IFT80: variants seen among roughly 807,000 people sequenced by gnomAD.
The protein encoded by IFT80 is intraflagellar transport 80.
In IFT80, 79 loss-of-function variants were observed where a neutral mutation model predicts 107.9. The ratio of observed to expected loss-of-function variants is 0.73; its 90% confidence interval spans 0.61 to 0.88. IFT80 has a LOEUF of 0.88. IFT80 is among the 40% of genes least tolerant of loss of function. The pLI is 0.00. For missense variants in IFT80, 797 were observed against 914.2 expected (o/e 0.87, Z 1.65); for synonymous variants, 299 against 300.9 (o/e 0.99, Z 0.07).
At chr3:160,314,867 A>C (rs550564221) in intron 9 of IFT80, among the ~76,000 whole-genome samples, 1 of 152,176 alleles carries the variant, frequency 6.6e-6, no homozygotes, top group East Asian at 1.9e-4. Context: ...GTGTAAAACC[A>C]AAGAAAATGA....
Position 160,277,593 on chromosome 3 carries a change from T to C in IFT80, c.1914A>G (p.Ala638=), listed in dbSNP as rs1378580029. ...RDMTTAEIAY[A]AIGEIDKVQY... ...ATTAATTACTTACTTCACCAATTGC[T>C]GCATAGGCTATTTCTGCAGTAGTCA... The change falls in exon 17 of 20, where the codon GCA becomes GCG. Residue 638 remains alanine, a synonymous_variant. Transcript: ENST00000326448. 1 of 1,612,846 alleles carries C rather than the reference T, an allele frequency of 6.2e-7. No individual in the cohort carries two copies.
chr3:160,271,522 CTACTACCAAAT>C (rs1271134798), intron 18 of IFT80, among the ~76,000 whole-genome samples: 1 of 152,122 alleles, frequency 6.6e-6, no homozygotes, highest in Non-Finnish European at 1.5e-5. Context: ...TGAGAACAGA[CTACTACCAAAT>C]GTCCAAAGTG....
At chr3:160,297,031 A>T (rs1158238460) in intron 12 of IFT80, among the ~76,000 whole-genome samples, 1 of 152,086 alleles carries the variant, frequency 6.6e-6, no homozygotes, top group East Asian at 1.9e-4. Context: ...AGCATCAATC[A>T]CTATTTAAAT....
At chr3:160,367,538 T>C (rs973672740) in intron 5 of IFT80, among the ~76,000 whole-genome samples, 1 of 152,082 alleles carries the variant, frequency 6.6e-6, no homozygotes, top group East Asian at 1.9e-4. Context: ...AATTTTTTTA[T>C]ATCAGATTAG....
At chr3:160,373,435 T>C (rs1559967047) in intron 5 of IFT80, 3 of 152,274 alleles carry the variant, frequency 2.0e-5, no homozygotes, top group Admixed American at 6.5e-5. Flanking sequence ...CTACTAGCAC[T>C]ATTATCACCT....
Position 160,258,644 on chromosome 3 carries a change from GA to G in IFT80, c.2224-10del, listed in dbSNP as rs58665245. 37,127 of 1,510,686 alleles carry G rather than the reference GA, an allele frequency of 0.025. 528 individuals are homozygous for G. The highest frequency in any genetic ancestry group is 0.069 in the African/African-American group (4,924 of 71,412). The allele number at this position is 1,510,686 out of a possible 1,614,324, so 93.6% of individuals were successfully genotyped here. ...TCCCAATCTATTTGGAGCTGCAATA[GA>G]AAAAAAAAAGAAGAAATATGCTTAG... On this transcript the variant is annotated splice_polypyrimidine_tract_variant and intron_variant, in intron 19 of 19. Coordinates refer to ENST00000326448, the MANE Select transcript of IFT80 (RefSeq NM_020800.3).
chr3:160,389,108 G>A (rs1470610931), intron 1 of IFT80, among the ~76,000 whole-genome samples: 1 of 152,096 alleles, frequency 6.6e-6, no homozygotes, highest in African/African-American at 2.4e-5. Flanking sequence ...ATTAATACAT[G>A]GGCCTTAATG....
chr3:160,277,318 T>C lies in IFT80; in HGVS notation c.2087A>G (p.Tyr696Cys). 5 of 1,612,532 alleles carry C rather than the reference T, an allele frequency of 3.1e-6. No individual in the cohort carries two copies. Among genetic ancestry groups the C allele is most frequent in the Non-Finnish European group, 4.2e-6 (5 of 1,179,690 alleles). Reference sequence around the variant, plus strand: ...GCATTCTTATTACCTTTCCCAGTTGTAGAGATTAATATTGATCTGGATTGC... The same window carrying C: ...GCATTCTTATTACCTTTCCCAGTTGCAGAGATTAATATTGATCTGGATTGC... ...YQAIQININL[Y>C]NWERALELAV... The change falls in exon 18 of 20, where the codon TAC (tyrosine) becomes TGC (cysteine). Residue 696 changes from tyrosine (Y) to cysteine (C), a missense_variant. Coordinates refer to ENST00000326448, the MANE Select transcript of IFT80 (RefSeq NM_020800.3).
chr3:160,290,168 A>G (rs1186142036), intron 12 of IFT80, among the ~76,000 whole-genome samples: 1 of 152,080 alleles, frequency 6.6e-6, no homozygotes, highest in Non-Finnish European at 1.5e-5. Context: ...GCATTTTGGG[A>G]GGCTGAGGTA....
chr3:160,391,797 C>T (rs1301764670), intron 1 of IFT80, among the ~76,000 whole-genome samples: 2 of 152,204 alleles, frequency 1.3e-5, no homozygotes, highest in African/African-American at 2.4e-5. Context: ...AGATTTCTGA[C>T]CTTGTGGAAA....
intron 19 of IFT80, among the ~76,000 whole-genome samples, chr3:160,264,832 C>T (rs1403132756): frequency 6.6e-6 from 1 of 152,036 alleles, no homozygotes; most frequent in African/African-American, 2.4e-5. Context: ...AAAGTCAATC[C>T]CTCCATTGCT....
intron 5 of IFT80, chr3:160,373,377 A>G (rs1433496570): frequency 6.6e-6 from 1 of 152,132 alleles, no homozygotes; most frequent in East Asian, 1.9e-4. Flanking sequence ...TAAAATAAGT[A>G]GCAATTTGGT....
At chr3:160,330,967 A>G (rs1174934285) in intron 8 of IFT80, among the ~76,000 whole-genome samples, 2 of 152,204 alleles carry the variant, frequency 1.3e-5, no homozygotes, top group Non-Finnish European at 2.9e-5. Flanking sequence ...TACTATCTAT[A>G]TAACACTATG....
rs1227647812 is a variant in IFT80 at position 160,319,752 on chromosome 3, A to G, written c.957+8T>C. On this transcript the variant is annotated splice_region_variant and intron_variant, in intron 9 of 19. Transcript: ENST00000326448. ...GCAGGTTTAATCAACCTTGGAACATAATAATACCTGCATGGCTCTTCTTTT... is the reference window on the plus strand; with the variant it reads ...GCAGGTTTAATCAACCTTGGAACATGATAATACCTGCATGGCTCTTCTTTT... 1.9e-6 allele frequency: 3 copies of G among 1,611,092 alleles called. No individual in the cohort carries two copies. The highest frequency in any genetic ancestry group is 2.5e-6 in the Non-Finnish European group (3 of 1,177,612).
chr3:160,391,436 G>A (rs1434733811), intron 1 of IFT80: 3 of 152,250 alleles, frequency 2.0e-5, no homozygotes, highest in Non-Finnish European at 4.4e-5. Flanking sequence ...ACTTTGGGGG[G>A]CCGAGGCAGG....
intron 9 of IFT80, among the ~76,000 whole-genome samples, chr3:160,308,081 C>T (rs1178325334): frequency 2.6e-5 from 4 of 152,080 alleles, no homozygotes; most frequent in African/African-American, 9.7e-5. Context: ...TATTCCAACA[C>T]TGAGATATAG....
At chr3:160,299,719 C>A (rs188737226) in intron 12 of IFT80, among the ~76,000 whole-genome samples, 1 of 152,134 alleles carries the variant, frequency 6.6e-6, no homozygotes, top group Non-Finnish European at 1.5e-5. Context: ...CTAGTCCCAA[C>A]CTCTCTCCCG....
rs1483835849 is a variant in IFT80, at chr3:160,384,549, G to A, written c.37+15C>T. 6.9e-7 allele frequency: 1 copy of A among 1,444,620 alleles called. No individual in the cohort carries two copies. The highest frequency in any genetic ancestry group is 1.8e-5 in the Admixed American group (1 of 55,548). 89.5% of individuals were successfully genotyped at this position (1,444,620 alleles called of 1,614,324 possible). ...TAAGAAAATCCAATAAGATTTATAA[G>A]CATTAAAAGGATATGCTTTGGTTCT... is the stretch of plus-strand genomic sequence containing the variant. On this transcript the variant is annotated intron_variant, in intron 2 of 19. Transcript: ENST00000326448.
chr3:160,357,344 T>A lies in IFT80; in HGVS notation c.639+145A>T, dbSNP rs549544095. Reference sequence around the variant, plus strand: ...TTTTTATGAAGTCCATGCTTTAAAATACCACTTAACATTATAAAATAATTT... The same window carrying A: ...TTTTTATGAAGTCCATGCTTTAAAAAACCACTTAACATTATAAAATAATTT... On this transcript the variant is annotated intron_variant, in intron 7 of 19. Transcript: ENST00000326448. The A allele has an allele frequency of 6.5e-5, 37 of 565,514 alleles. No homozygotes were observed. The African/African-American group carries it at 7.0e-4, about 11-fold the overall frequency. 35.0% of individuals were successfully genotyped at this position (565,514 alleles called of 1,614,324 possible).
Sources: allele counts gnomAD v4.1 joint callset (sites outside exome capture counted in the v4.1 genomes callset), GRCh38; gene constraint gnomAD v4.1.1; transcripts MANE v1.5; gene names NCBI Gene and HGNC (gene_info 2026-07-23, HGNC 2026-07-21).